The following CACNA1A variants were observed in gnomAD, a reference collection of about 807,000 sequenced individuals.
CACNA1A encodes voltage-dependent P/Q-type calcium channel subunit alpha-1A.
Under a neutral mutation model 262.4 loss-of-function variants are expected in CACNA1A, and 57 were observed. The ratio of observed to expected loss-of-function variants is 0.22; its 90% confidence interval spans 0.18 to 0.27. The LOEUF (loss-of-function observed/expected upper bound fraction) is 0.27. Among genes scored for constraint, CACNA1A ranks in the 10% least tolerant of loss-of-function variants. The pLI, the probability that CACNA1A is intolerant of heterozygous loss-of-function variation, is 1.00. For synonymous variants in CACNA1A, 1,431 were observed against 1,419.3 expected (o/e 1.01, Z -0.18); for missense variants, 2,526 against 3,562.8 (o/e 0.71, Z 7.41).
At chr19:13,211,898 C>A in intron 43 of CACNA1A, 1 of 560,272 alleles carries the variant, frequency 1.8e-6, no homozygotes, top group Non-Finnish European at 3.2e-6. Context: ...CCTCTCTGTC[C>A]TCTGTGAGGG....
At chr19:13,397,502 C>T (rs545912399) in intron 3 of CACNA1A, among the ~76,000 whole-genome samples, 1 of 152,322 alleles carries the variant, frequency 6.6e-6, no homozygotes, top group South Asian at 2.1e-4. Flanking sequence ...AAATGTGAAG[C>T]TTGATTCTCA....
intron 38 of CACNA1A, among the ~76,000 whole-genome samples, chr19:13,218,236 G>A (rs1033189820): frequency 5.3e-5 from 8 of 151,996 alleles, no homozygotes; most frequent in East Asian, 3.9e-4. Flanking sequence ...GATTACAGCC[G>A]CCCGCCGCCA....
At chr19:13,424,075 G>C (rs542671563) in intron 3 of CACNA1A, among the ~76,000 whole-genome samples, 4 of 152,200 alleles carry the variant, frequency 2.6e-5, no homozygotes, top group African/African-American at 9.6e-5. Context: ...CTGGCCAGGC[G>C]TGGTGGCTTA....
intron 12 of CACNA1A, among the ~76,000 whole-genome samples, chr19:13,312,343 T>G (rs1444523373): frequency 1.3e-5 from 2 of 152,220 alleles, no homozygotes; most frequent in Non-Finnish European, 2.9e-5. Context: ...GTCCTGTTTG[T>G]AATCCTGAAG....
Position 13,207,327 on chromosome 19 carries a change from C to T in CACNA1A, c.7507G>A (p.Asp2503Asn), listed in dbSNP as rs780693455. The change falls in exon 47 of 47, where the codon GAT (aspartate) becomes AAT (asparagine). Residue 2503 changes from aspartate (D) to asparagine (N), a missense_variant. Physicochemically the swap from Asp to Asn is conservative, Grantham distance 23. Around this residue, in one of 17 missense-constraint regions of CACNA1A, gnomAD observed 929 missense variants for 868.1 expected, o/e 1.07. Transcript: ENST00000360228. The surrounding 1 kb of genome is among the most constrained non-coding windows in gnomAD (Gnocchi z 5.7). ...CTCGCCCGGGCTTAGCACCAATCAT[C>T]GTCACTCTCGCTGTAGGGTTCGTGC... ...GLHEPYSESD[D>N]DWC 3 of 1,560,324 alleles carry T rather than the reference C, an allele frequency of 1.9e-6. No individual in the cohort carries two copies. Among genetic ancestry groups the T allele is most frequent in the East Asian group, 2.4e-5 (1 of 42,506 alleles).
intron 30 of CACNA1A, 153 bp from the exon 31 acceptor site, chr19:13,245,418 G>A (rs2056203295): frequency 6.1e-6 from 4 of 653,918 alleles, no homozygotes; most frequent in Middle Eastern, 5.5e-4. Context: ...AAGGCTGTTC[G>A]ACATCATCTG....
chr19:13,289,328 G>A (rs1396044755), intron 19 of CACNA1A, among the ~76,000 whole-genome samples: 1 of 151,810 alleles, frequency 6.6e-6, no homozygotes, highest in South Asian at 2.1e-4. Flanking sequence ...TTTTCTTTTT[G>A]TAGAGATGAG....
intron 24 of CACNA1A, among the ~76,000 whole-genome samples, chr19:13,264,592 C>T (rs1042353902): frequency 3.3e-5 from 5 of 152,222 alleles, no homozygotes; most frequent in African/African-American, 1.2e-4. Flanking sequence ...CAAGCCCCAG[C>T]CACATTCTTT....
intron 24 of CACNA1A, 88 bp downstream of exon 24, chr19:13,275,762 C>T: frequency 1.1e-6 from 1 of 904,730 alleles, no homozygotes; most frequent in Non-Finnish European, 1.8e-6. Context: ...ATCCCTAGAC[C>T]CTGAGAACAT....
chr19:13,380,662 A>T (rs1175698029), intron 3 of CACNA1A, among the ~76,000 whole-genome samples: 1 of 151,066 alleles, frequency 6.6e-6, no homozygotes, highest in Non-Finnish European at 1.5e-5. Context: ...AAAAAAAAAA[A>T]AAAAAAAAAT....
chr19:13,418,962 C>T (rs2060271883), intron 3 of CACNA1A, among the ~76,000 whole-genome samples: 1 of 152,104 alleles, frequency 6.6e-6, no homozygotes, highest in Non-Finnish European at 1.5e-5. Context: ...GGCATGATCT[C>T]AGCTCACTGC....
chr19:13,375,462 A>C (rs2059389328), intron 3 of CACNA1A, among the ~76,000 whole-genome samples: 1 of 152,120 alleles, frequency 6.6e-6, no homozygotes. Context: ...AAAAGCTAGA[A>C]ATGATTAAAC....
chr19:13,321,196 A>G (rs990616213), intron 10 of CACNA1A, among the ~76,000 whole-genome samples: 1 of 151,618 alleles, frequency 6.6e-6, no homozygotes, highest in African/African-American at 2.4e-5. Context: ...ACCACGTCCG[A>G]ATAATTTTTG....
intron 3 of CACNA1A, among the ~76,000 whole-genome samples, chr19:13,397,202 T>A (rs577212829): frequency 8.5e-5 from 13 of 152,186 alleles, no homozygotes; most frequent in Admixed American, 2.0e-4. Context: ...GAGGTCAAAG[T>A]CTGGAGAAGC....
intron 44 of CACNA1A, among the ~76,000 whole-genome samples, chr19:13,210,283 G>A (rs1477606012): frequency 6.6e-6 from 1 of 152,344 alleles, no homozygotes; most frequent in South Asian, 2.1e-4. Context: ...GCAGGACCAG[G>A]GGTTGGTGGT....
Position 13,399,727 on chromosome 19 carries a change from G to A in CACNA1A, c.540-27948C>T, listed in dbSNP as rs796317813. Among the ~76,000 whole-genome samples the A allele has an allele frequency of 4.6e-5, 7 of 152,166 alleles. No individual in the cohort carries two copies. In the East Asian group the frequency reaches 5.8e-4, roughly 13 times the overall value. Reference sequence around the variant, plus strand: ...ACCTCCACCTTTCTTTTTCTGCTTCGTTTTCCCCACAAAGCCCAGGCTCTC... The same window carrying A: ...ACCTCCACCTTTCTTTTTCTGCTTCATTTTCCCCACAAAGCCCAGGCTCTC... On this transcript the variant is annotated intron_variant, in intron 3 of 46. Transcript: ENST00000360228.
At position 13,377,525 on chromosome 19, in the gene CACNA1A, G is replaced by A. The variant is rs531141680; in HGVS notation, c.540-5746C>T. On this transcript the variant is annotated intron_variant, in intron 3 of 46. Transcript: ENST00000360228. Reference sequence around the variant, plus strand: ...TTACAGTCATACGCCACCATGCCCAGCTAATTTTTGTATTTTTAGTAGTGA... The same window carrying A: ...TTACAGTCATACGCCACCATGCCCAACTAATTTTTGTATTTTTAGTAGTGA... 7.3e-5 allele frequency among the ~76,000 whole-genome samples: 11 copies of A among 150,172 alleles called. 1 individual carries two copies. The highest frequency in any genetic ancestry group is 2.5e-4 in the African/African-American group (10 of 40,628).
chr19:13,209,153 G>T, intron 45 of CACNA1A, 144 bp from the exon 46 acceptor site: 1 of 1,340,802 alleles, frequency 7.5e-7, no homozygotes, highest in Non-Finnish European at 1.0e-6. Flanking sequence ...GGGGGAGGGG[G>T]TAGTACCCAG....
At chr19:13,445,029 A>T (rs763540132) in intron 3 of CACNA1A, among the ~76,000 whole-genome samples, 2 of 151,680 alleles carry the variant, frequency 1.3e-5, no homozygotes, top group Admixed American at 6.6e-5. Flanking sequence ...AATCCCAGCT[A>T]CTCAGAAGGC....
Sources: allele counts gnomAD v4.1 joint callset (sites outside exome capture counted in the v4.1 genomes callset), GRCh38; gene constraint gnomAD v4.1.1; regional missense constraint gnomAD v4.1.1; non-coding constraint Gnocchi (gnomAD v3.1); transcripts MANE v1.5; gene names NCBI Gene and HGNC (gene_info 2026-07-23, HGNC 2026-07-21).